Variants in NXPH2 observed in about 807,000 individuals in gnomAD.
The protein encoded by NXPH2 is neurexophilin 2.
Under a neutral mutation model 19.8 loss-of-function variants are expected in NXPH2, and 5 were observed. The observed-to-expected ratio is 0.25, with a 90% CI of 0.13 to 0.53. The LOEUF is 0.53. Among genes scored for constraint, NXPH2 ranks in the 20% least tolerant of loss-of-function variants. The pLI, the probability that NXPH2 is intolerant of heterozygous loss-of-function variation, is 0.96. For synonymous variants in NXPH2, 154 were observed against 127.4 expected, an observed-to-expected ratio of 1.21 and a Z score of -1.41; for missense variants, 289 against 322.8, an observed-to-expected ratio of 0.90 and a Z score of 0.80.
chr2:138,713,476 G>A (rs1162293276), intron 1 of NXPH2, among the ~76,000 whole-genome samples: 1 of 152,182 alleles, frequency 6.6e-6, no homozygotes, highest in African/African-American at 2.4e-5. Flanking sequence ...GTGTGCTCAG[G>A]ATTCATCTCC....
chr2:138,756,064 T>C (rs987864143), intron 1 of NXPH2, among the ~76,000 whole-genome samples: 5 of 152,106 alleles, frequency 3.3e-5, no homozygotes, highest in Non-Finnish European at 7.4e-5. Flanking sequence ...GAGTTTTTAT[T>C]GTTCTTTGTA....
At chr2:138,704,030 G>T (rs1482181578) in intron 1 of NXPH2, among the ~76,000 whole-genome samples, 2 of 152,144 alleles carry the variant, frequency 1.3e-5, no homozygotes, top group Non-Finnish European at 2.9e-5. Context: ...TATGTGAATT[G>T]CATTCCCTTG....
In NXPH2 at chr2:138,725,371, A is replaced by G. The variant is rs546814436; in HGVS notation, c.52-53706T>C. On this transcript the variant is annotated intron_variant, in intron 1 of 1. Coordinates refer to ENST00000272641, the MANE Select transcript of NXPH2 (RefSeq NM_007226.3). ...CCTCTGAACCCAGATCTTCCCTTACATTGCATTTTACTCAGATCTATACCA... is the reference window on the plus strand; with the variant it reads ...CCTCTGAACCCAGATCTTCCCTTACGTTGCATTTTACTCAGATCTATACCA... Among the ~76,000 whole-genome samples, 10 of 152,254 alleles carry G rather than the reference A, an allele frequency of 6.6e-5. No individual in the cohort carries two copies. In the South Asian group the frequency reaches 2.1e-3, roughly 32 times the overall value.
intron 1 of NXPH2, among the ~76,000 whole-genome samples, chr2:138,728,134 G>A (rs80257664): frequency 0.17 from 25,695 of 149,804 alleles, 2,247 homozygotes; most frequent in East Asian, 0.24. Flanking sequence ...GAGGTCTTAA[G>A]AGAAGAAGAC....
At chr2:138,767,309 T>C (rs1305316247) in intron 1 of NXPH2, among the ~76,000 whole-genome samples, 1 of 152,268 alleles carries the variant, frequency 6.6e-6, no homozygotes, top group Non-Finnish European at 1.5e-5. Context: ...GAGCAGAGAC[T>C]GAGTCACACT....
At chr2:138,733,698 A>G (rs1388576930) in intron 1 of NXPH2, among the ~76,000 whole-genome samples, 1 of 152,188 alleles carries the variant, frequency 6.6e-6, no homozygotes, top group Non-Finnish European at 1.5e-5. Flanking sequence ...CTGCATTATA[A>G]GTACAGACTA....
At chr2:138,689,764 C>A (rs1181085949) in intron 1 of NXPH2, among the ~76,000 whole-genome samples, 2 of 152,088 alleles carry the variant, frequency 1.3e-5, no homozygotes, top group African/African-American at 2.4e-5. Flanking sequence ...GAGGGAGGAG[C>A]AACAAGTGAT....
intron 1 of NXPH2, among the ~76,000 whole-genome samples, chr2:138,779,526 GAC>G (rs1476568439): frequency 6.6e-6 from 1 of 152,012 alleles, no homozygotes; most frequent in Non-Finnish European, 1.5e-5. Context: ...TCCCTGAAAA[GAC>G]AGCTTCGAGA....
chr2:138,693,480 C>G (rs905939333), intron 1 of NXPH2, among the ~76,000 whole-genome samples: 12 of 152,148 alleles, frequency 7.9e-5, no homozygotes, highest in African/African-American at 2.9e-4. Flanking sequence ...ACCCACAAGT[C>G]TGATTGCCTA....
chr2:138,747,419 A>T (rs1681755920), intron 1 of NXPH2, among the ~76,000 whole-genome samples: 2 of 152,154 alleles, frequency 1.3e-5, no homozygotes, highest in South Asian at 2.1e-4. Context: ...GGAGCACTGA[A>T]GGTCCAACTG....
intron 1 of NXPH2, among the ~76,000 whole-genome samples, chr2:138,711,047 T>A (rs1376671953): frequency 6.6e-6 from 1 of 151,942 alleles, no homozygotes; most frequent in Non-Finnish European, 1.5e-5. Flanking sequence ...TATTGCAAAA[T>A]GTTATCGCTG....
intron 1 of NXPH2, among the ~76,000 whole-genome samples, chr2:138,697,294 T>C (rs1680842339): frequency 6.6e-6 from 1 of 152,144 alleles, no homozygotes; most frequent in Non-Finnish European, 1.5e-5. Flanking sequence ...GAAAATGATT[T>C]AAATAATAAA....
chr2:138,723,325 T>C (rs1021179694), intron 1 of NXPH2, among the ~76,000 whole-genome samples: 2 of 152,190 alleles, frequency 1.3e-5, no homozygotes, highest in African/African-American at 4.8e-5. Flanking sequence ...AGATTATACA[T>C]ACTGGAATAT....
intron 1 of NXPH2, among the ~76,000 whole-genome samples, chr2:138,765,446 G>A (rs1329185369): frequency 1.3e-5 from 2 of 152,148 alleles, no homozygotes; most frequent in Admixed American, 6.5e-5. Flanking sequence ...ATCTCTGGAG[G>A]TTAACATGCA....
chr2:138,711,077 C>T (rs951197734), intron 1 of NXPH2, among the ~76,000 whole-genome samples: 1 of 151,302 alleles, frequency 6.6e-6, no homozygotes, highest in Non-Finnish European at 1.5e-5. Context: ...ATTTAAAAAT[C>T]TCACCCAGAG....
chr2:138,684,758 G>C (rs1301785261), intron 1 of NXPH2, among the ~76,000 whole-genome samples: 2 of 152,180 alleles, frequency 1.3e-5, no homozygotes, highest in Non-Finnish European at 2.9e-5. Flanking sequence ...TTGCTGGGGT[G>C]GCTGCCCTGC....
At chr2:138,691,882 C>A (rs1028049369) in intron 1 of NXPH2, among the ~76,000 whole-genome samples, 1 of 152,120 alleles carries the variant, frequency 6.6e-6, no homozygotes, top group Non-Finnish European at 1.5e-5. Flanking sequence ...GTGGAAGAAC[C>A]AGCCAACTAA....
At chr2:138,770,359 T>C (rs1171947553) in intron 1 of NXPH2, among the ~76,000 whole-genome samples, 1 of 152,018 alleles carries the variant, frequency 6.6e-6, no homozygotes, top group East Asian at 1.9e-4. Flanking sequence ...ATACATAAAA[T>C]AAAAATAAAA....
intron 1 of NXPH2, among the ~76,000 whole-genome samples, chr2:138,770,995 C>A (rs1356850729): frequency 1.1e-4 from 17 of 151,528 alleles, no homozygotes; most frequent in Non-Finnish European, 2.1e-4. Flanking sequence ...TTTTAAATAC[C>A]AGTATTCAGG....
Sources: gnomAD v4.1 joint callset for allele counts (sites outside exome capture counted in the v4.1 genomes callset) on GRCh38, gnomAD v4.1.1 for gene constraint, MANE v1.5 for transcripts, NCBI Gene and HGNC (gene_info 2026-07-23, HGNC 2026-07-21) for gene names.